Variants in MGAT5 observed in about 807,000 individuals in gnomAD.
MGAT5 encodes alpha-1,6-mannosylglycoprotein 6-beta-N-acetylglucosaminyltransferase, also known as alpha-1,6-mannosylglycoprotein 6-beta-N-acetylglucosaminyltransferase A.
Under a neutral mutation model 94.3 loss-of-function variants are expected in MGAT5, and 30 were observed. The ratio of observed to expected loss-of-function variants is 0.32; its 90% CI spans 0.24 to 0.43. The LOEUF (loss-of-function observed/expected upper bound fraction) is 0.43. Ranked by LOEUF, MGAT5 falls within the 20% of genes least tolerant of loss-of-function variation. The probability of loss-of-function intolerance (pLI) is 1.00; values close to 1 mark genes in which losing one functional copy is unlikely to be tolerated. For missense variants in MGAT5, 691 were observed against 905.5 expected (o/e 0.76, Z 3.04); for synonymous variants, 310 against 322.9 (o/e 0.96, Z 0.43).
intron 2 of MGAT5, among the ~76,000 whole-genome samples, chr2:134,288,064 G>A (rs1466365534): frequency 1.3e-5 from 2 of 152,126 alleles, no homozygotes; most frequent in African/African-American, 4.8e-5. Context: ...ATTCTCAAGT[G>A]CTTACTGAAT....
intron 1 of MGAT5, among the ~76,000 whole-genome samples, chr2:134,256,554 A>G (rs1682973835): frequency 1.3e-5 from 2 of 152,176 alleles, no homozygotes; most frequent in Admixed American, 1.3e-4. Flanking sequence ...TGAAAATCTC[A>G]TAGGGAAGGC....
chr2:134,288,843 C>G (rs1685173989), intron 2 of MGAT5, among the ~76,000 whole-genome samples: 1 of 152,160 alleles, frequency 6.6e-6, no homozygotes. Flanking sequence ...CTCCCTCTCC[C>G]CTACTCCCAC....
At chr2:134,278,395 C>G (rs1433049582) in intron 2 of MGAT5, among the ~76,000 whole-genome samples, 1 of 152,142 alleles carries the variant, frequency 6.6e-6, no homozygotes, top group Non-Finnish European at 1.5e-5. Context: ...TTTGGCAACT[C>G]TCTAGAGCAG....
At chr2:134,369,247 TCTTTGCTGA>T (rs1195281896) in intron 10 of MGAT5, among the ~76,000 whole-genome samples, 2 of 152,216 alleles carry the variant, frequency 1.3e-5, no homozygotes, top group Non-Finnish European at 2.9e-5. Context: ...TTCCCTGTGT[TCTTTGCTGA>T]CCCCAGGGAG....
intron 4 of MGAT5, among the ~76,000 whole-genome samples, chr2:134,330,716 C>T (rs1687920221): frequency 6.6e-6 from 1 of 151,978 alleles, no homozygotes; most frequent in Non-Finnish European, 1.5e-5. Flanking sequence ...GAAAAGCACC[C>T]AGAACACCAT....
At chr2:134,406,959 G>C (rs1302616374) in intron 11 of MGAT5, among the ~76,000 whole-genome samples, 10 of 152,156 alleles carry the variant, frequency 6.6e-5, no homozygotes, top group Admixed American at 6.5e-4. Flanking sequence ...TGAGGGCAGA[G>C]GGCCTTTGCT....
intron 1 of MGAT5, among the ~76,000 whole-genome samples, chr2:134,260,154 A>G (rs758644577): frequency 2.6e-5 from 4 of 152,226 alleles, no homozygotes; most frequent in Non-Finnish European, 5.9e-5. Context: ...GTGTTGAGGC[A>G]GTGAGAAGCC....
chr2:134,201,816 C>CTTTTT lies in MGAT5; in HGVS notation c.-142-52423_-142-52419dup, dbSNP rs554227745. Among the ~76,000 whole-genome samples, 145 of 67,838 alleles carry CTTTTT rather than the reference C, an allele frequency of 2.1e-3. 18 individuals carry two copies. The highest frequency in any genetic ancestry group is 3.8e-3 in the East Asian group (11 of 2,902). The allele number at this position is 67,838 out of a possible 152,430, so 44.5% of individuals were successfully genotyped here. On this transcript the variant is annotated intron_variant, in intron 1 of 16. Coordinates refer to the MGAT5 transcript ENST00000409645. ...GGCCAGCTCTCTGGGCCAAGCGCTG[C>CTTTTT]TTTTTTTTTTTTTTTTTTTTTTTTT... is the stretch of plus-strand genomic sequence containing the variant.
intron 10 of MGAT5, among the ~76,000 whole-genome samples, chr2:134,383,870 C>T (rs1418738852): frequency 2.6e-5 from 4 of 152,062 alleles, no homozygotes; most frequent in South Asian, 2.1e-4. Context: ...TTAGTAGAGA[C>T]GGGGTTTTAC....
intron 1 of MGAT5, among the ~76,000 whole-genome samples, chr2:134,136,410 A>G (rs1686413324): frequency 6.6e-6 from 1 of 152,070 alleles, no homozygotes; most frequent in Non-Finnish European, 1.5e-5. Flanking sequence ...CTTACCAAAA[A>G]TAAAAAATTA....
chr2:134,175,005 C>T (rs574094526), intron 1 of MGAT5, among the ~76,000 whole-genome samples: 9 of 152,292 alleles, frequency 5.9e-5, no homozygotes, highest in African/African-American at 1.4e-4. Context: ...GACAGAGTGG[C>T]GAGGTGGGTG....
upstream of MGAT5, among the ~76,000 whole-genome samples, chr2:134,252,510 C>G (rs1409023243): frequency 6.6e-6 from 1 of 152,130 alleles, no homozygotes; most frequent in Non-Finnish European, 1.5e-5. Flanking sequence ...ATCAGAATCA[C>G]CTCGAGGCTT....
chr2:134,136,845 G>A (rs1036561811), intron 1 of MGAT5, among the ~76,000 whole-genome samples: 22 of 152,224 alleles, frequency 1.4e-4, no homozygotes, highest in Non-Finnish European at 2.9e-4. Flanking sequence ...TGTCAGGTGC[G>A]TTTGTAGAGT....
rs867581760 is a variant in MGAT5, at chr2:134,401,646, T to C, written c.1381-1342T>C. 5.9e-5 allele frequency among the ~76,000 whole-genome samples: 9 copies of C among 152,334 alleles called. No homozygotes were observed. The Middle Eastern group carries it at 0.01, about 173-fold the overall frequency. On this transcript the variant is annotated intron_variant, in intron 10 of 15. Coordinates refer to ENST00000281923, the MANE Select transcript of MGAT5 (RefSeq NM_002410.5). ...GTAAGCTTCTGTACTAATTTAAAAC[T>C]ATACATTTCTAAGTTAATGAATTCA...
chr2:134,327,800 T>G (rs1687727086), intron 4 of MGAT5, among the ~76,000 whole-genome samples: 3 of 152,154 alleles, frequency 2.0e-5, no homozygotes, highest in Non-Finnish European at 4.4e-5. Context: ...GAGCCAATTG[T>G]ATTAGAAGGC....
intron 1 of MGAT5, among the ~76,000 whole-genome samples, chr2:134,154,398 C>A (rs772345973): frequency 6.6e-6 from 1 of 152,254 alleles, no homozygotes; most frequent in Non-Finnish European, 1.5e-5. Context: ...TCCTCCATAT[C>A]CTGCCAGGCC....
intron 2 of MGAT5, among the ~76,000 whole-genome samples, chr2:134,310,960 C>T (rs1049086343): frequency 1.3e-5 from 2 of 152,206 alleles, no homozygotes; most frequent in African/African-American, 2.4e-5. Context: ...TTTGGCTGCA[C>T]TTTGCAGGGG....
At position 134,338,374 on chromosome 2, in the gene MGAT5, A is replaced by G. The variant is rs778791607; in HGVS notation, c.761A>G (p.Lys254Arg). 1.2e-6 allele frequency: 2 copies of G among 1,612,068 alleles called. No individual in the cohort carries two copies. The highest frequency in any genetic ancestry group is 1.7e-6 in the Non-Finnish European group (2 of 1,179,242). ...RMADAWIQAI[K>R]SLAEKQNLEK... ...GCTGACGCATGGATCCAAGCAATCA[A>G]GTCCCTGGCAGAAAAGCAGAACCTT... The change falls in exon 6 of 16, where the codon AAG (lysine) becomes AGG (arginine). Residue 254 changes from lysine to arginine, a missense_variant. Physicochemically the swap from Lys to Arg is conservative, Grantham distance 26. This residue lies in a region of MGAT5 where 307 missense variants were observed against 335.4 expected (regional missense o/e 0.92). Coordinates refer to ENST00000281923, the MANE Select transcript of MGAT5 (RefSeq NM_002410.5).
At chr2:134,359,192 G>A (rs1358378085) in intron 9 of MGAT5, among the ~76,000 whole-genome samples, 1 of 152,216 alleles carries the variant, frequency 6.6e-6, no homozygotes, top group African/African-American at 2.4e-5. Context: ...CATTGCGTAT[G>A]TATTCTAGAT....
Sources: allele counts gnomAD v4.1 joint callset (sites outside exome capture counted in the v4.1 genomes callset), GRCh38; gene constraint gnomAD v4.1.1; regional missense constraint gnomAD v4.1.1; transcripts MANE v1.5; gene names NCBI Gene and HGNC (gene_info 2026-07-23, HGNC 2026-07-21).